BACH2: variants seen among roughly 807,000 people sequenced by gnomAD.
BACH2 encodes transcription regulator protein BACH2.
Under a neutral mutation model 61.8 loss-of-function variants are expected in BACH2, and 5 were observed. The ratio of observed to expected loss-of-function variants is 0.08; its 90% CI spans 0.04 to 0.17. The LOEUF (loss-of-function observed/expected upper bound fraction) is 0.17. BACH2 is among the 10% of genes least tolerant of loss of function. The pLI is 1.00. For synonymous variants in BACH2, 446 were observed against 440.1 expected (o/e 1.01, Z -0.17); for missense variants, 824 against 1,091.1 (o/e 0.76, Z 3.45).
At chr6:90,280,736 G>T (rs1771834399) in intron 1 of BACH2, among the ~76,000 whole-genome samples, 1 of 152,208 alleles carries the variant, frequency 6.6e-6, no homozygotes, top group Non-Finnish European at 1.5e-5. Flanking sequence ...CAGGCAGTGG[G>T]TATTGTGGCC....
intron 4 of BACH2, among the ~76,000 whole-genome samples, chr6:90,103,006 C>CATATATAT (rs1250122835): frequency 1.1e-3 from 49 of 44,930 alleles, no homozygotes; most frequent in Middle Eastern, 0.016. Context: ...TGACACAATA[C>CATATATAT]ATATATATAT....
chr6:89,951,233 G>A lies in BACH2; in HGVS notation c.873C>T (p.Leu291=). ...CGTCAGGCTCATCTCCAGACAGGCAGAGCGTGATGCTCTCTTCCTCATTCT... is the reference window on the plus strand; with the variant it reads ...CGTCAGGCTCATCTCCAGACAGGCAAAGCGTGATGCTCTCTTCCTCATTCT... ...SEENEEESIT[L]CLSGDEPDAK... is the part of the protein sequence containing the mutation. The change falls in exon 7 of 9, where the codon CTC becomes CTT. Residue 291 remains leucine (L), a synonymous_variant. Coordinates refer to ENST00000257749, the MANE Select transcript of BACH2 (RefSeq NM_021813.4). The surrounding 1 kb of genome is among the most constrained non-coding windows in gnomAD (Gnocchi z 6.4). 2.5e-6 allele frequency: 4 copies of A among 1,614,120 alleles called. No homozygotes were observed. Among genetic ancestry groups the A allele is most frequent in the Non-Finnish European group, 3.4e-6 (4 of 1,180,028 alleles).
chr6:90,076,684 C>G (rs1781484642), intron 5 of BACH2, among the ~76,000 whole-genome samples: 1 of 152,062 alleles, frequency 6.6e-6, no homozygotes, highest in South Asian at 2.1e-4. Context: ...GTACCCTGTG[C>G]AGTACTTGGT....
intron 5 of BACH2, among the ~76,000 whole-genome samples, chr6:90,029,750 C>G (rs1017763420): frequency 6.6e-6 from 1 of 152,196 alleles, no homozygotes; most frequent in Non-Finnish European, 1.5e-5. Context: ...CAGCCTGTTT[C>G]TTCACACATA....
At chr6:90,058,078 G>C (rs1028245011) in intron 5 of BACH2, among the ~76,000 whole-genome samples, 1 of 152,030 alleles carries the variant, frequency 6.6e-6, no homozygotes, top group Non-Finnish European at 1.5e-5. Flanking sequence ...AGGGATGCCC[G>C]TTCTCACCAC....
chr6:90,180,413 G>A (rs1768118959), intron 4 of BACH2, among the ~76,000 whole-genome samples: 1 of 152,110 alleles, frequency 6.6e-6, no homozygotes, highest in African/African-American at 2.4e-5. Flanking sequence ...AGGCATACTA[G>A]TGTTTTTGGT....
In BACH2 at chr6:90,264,070, T is replaced by C. The variant is rs76838836; in HGVS notation, c.-353+7779A>G. On this transcript the variant is annotated intron_variant, in intron 2 of 8. Transcript: ENST00000257749. The stretch of plus-strand genomic sequence containing the variant: ...GCATTCATTGAGTGATTTGCTGGTA[T>C]ATACAAAATTTATCCTTTAAGGAAC... Among the ~76,000 whole-genome samples, 377 of 152,330 alleles carry C rather than the reference T, an allele frequency of 2.5e-3. 4 individuals carry two copies. Among genetic ancestry groups the C allele is most frequent in the African/African-American group, 8.6e-3 (356 of 41,584 alleles).
chr6:90,288,260 CTTTAA>C (rs1305288641), intron 1 of BACH2, among the ~76,000 whole-genome samples: 4 of 152,074 alleles, frequency 2.6e-5, no homozygotes, highest in East Asian at 1.9e-4. Context: ...AAATCAGCAG[CTTTAA>C]TTTAAGCTCA....
At chr6:90,152,703 C>T in intron 4 of BACH2, among the ~76,000 whole-genome samples, 1 of 152,182 alleles carries the variant, frequency 6.6e-6, no homozygotes, top group East Asian at 1.9e-4. Flanking sequence ...ATTTAGTCTG[C>T]TTAATGCTTA....
intron 4 of BACH2, among the ~76,000 whole-genome samples, chr6:90,160,838 C>T (rs1785164085): frequency 6.6e-6 from 1 of 152,114 alleles, no homozygotes; most frequent in Non-Finnish European, 1.5e-5. Flanking sequence ...TGCCTGTAAT[C>T]CCAGCACTTT....
intron 2 of BACH2, among the ~76,000 whole-genome samples, chr6:90,262,367 C>T (rs1359607844): frequency 6.6e-6 from 1 of 152,130 alleles, no homozygotes; most frequent in Non-Finnish European, 1.5e-5. Context: ...CAGACCAATT[C>T]ACCTATCTGT....
intron 4 of BACH2, among the ~76,000 whole-genome samples, chr6:90,101,062 A>G (rs940311718): frequency 6.6e-6 from 1 of 152,150 alleles, no homozygotes; most frequent in Non-Finnish European, 1.5e-5. Flanking sequence ...TGAGAAATGC[A>G]TATTTTAGTT....
intron 5 of BACH2, among the ~76,000 whole-genome samples, chr6:90,084,558 T>C (rs1359645772): frequency 2.7e-5 from 4 of 150,808 alleles, no homozygotes; most frequent in Admixed American, 6.6e-5. Flanking sequence ...TTTTTTGGTA[T>C]CTCAGCGGCT....
At chr6:89,999,642 T>G (rs757018764) in intron 6 of BACH2, among the ~76,000 whole-genome samples, 2 of 152,210 alleles carry the variant, frequency 1.3e-5, no homozygotes, top group African/African-American at 2.4e-5. Context: ...AGTGAGGAAC[T>G]TTATAGCTCT....
chr6:90,100,706 C>CACACATACACACACACAG (rs1463218195), intron 4 of BACH2, among the ~76,000 whole-genome samples: 2 of 143,270 alleles, frequency 1.4e-5, no homozygotes, highest in Non-Finnish European at 3.1e-5. Flanking sequence ...CACACAGACA[C>CACACATACACACACACAG]ACACACACAC....
intron 6 of BACH2, among the ~76,000 whole-genome samples, chr6:90,004,347 GA>G (rs1562361414): frequency 6.6e-6 from 1 of 152,148 alleles, no homozygotes; most frequent in Admixed American, 6.5e-5. Context: ...GCACAAACCT[GA>G]AATCTATTTA....
At chr6:90,116,163 G>C (rs1783388049) in intron 4 of BACH2, among the ~76,000 whole-genome samples, 1 of 151,738 alleles carries the variant, frequency 6.6e-6, no homozygotes, top group Admixed American at 6.6e-5. Context: ...TAGGATTATA[G>C]AGCATTCTCC....
At chr6:89,959,000 G>A (rs1400906634) in intron 6 of BACH2, among the ~76,000 whole-genome samples, 3 of 152,002 alleles carry the variant, frequency 2.0e-5, no homozygotes, top group African/African-American at 7.3e-5. Context: ...ATTAAACAAA[G>A]TGCAGGACCC....
intron 4 of BACH2, among the ~76,000 whole-genome samples, chr6:90,115,043 C>T (rs9451358): frequency 1.3e-5 from 2 of 152,108 alleles, no homozygotes; most frequent in East Asian, 1.9e-4. Context: ...AATGGAAAAA[C>T]ATCCCATGCG....
Sources: allele counts gnomAD v4.1 joint callset (sites outside exome capture counted in the v4.1 genomes callset), GRCh38; gene constraint gnomAD v4.1.1; non-coding constraint Gnocchi (gnomAD v3.1); transcripts MANE v1.5; gene names NCBI Gene and HGNC (gene_info 2026-07-23, HGNC 2026-07-21).